FRMD4A: variants seen among roughly 807,000 people sequenced by gnomAD.
FRMD4A encodes the protein FERM domain-containing protein 4A.
FRMD4A carries 29 observed loss-of-function variants against 129.1 expected under a neutral mutation model. The observed-to-expected ratio is 0.22, with a 90% CI of 0.17 to 0.31. The LOEUF (loss-of-function observed/expected upper bound fraction) is 0.31, where lower values mean the gene tolerates loss of function less well. Among genes scored for constraint, FRMD4A ranks in the 10% least tolerant of loss-of-function variants. The probability of loss-of-function intolerance (pLI) is 1.00; values close to 1 mark genes in which losing one functional copy is unlikely to be tolerated. For missense variants in FRMD4A, 1,272 were observed against 1,375.8 expected (o/e 0.92, Z 1.19); for synonymous variants, 634 against 571.6 (o/e 1.11, Z -1.56).
chr10:13,689,603 A>C (rs963798480), intron 15 of FRMD4A, among the ~76,000 whole-genome samples: 1 of 142,628 alleles, frequency 7.0e-6, no homozygotes, highest in Admixed American at 7.2e-5. Flanking sequence ...CTAGGCTGTT[A>C]GTATAGTGAT....
chr10:13,771,767 T>C (rs1490290378), intron 6 of FRMD4A, among the ~76,000 whole-genome samples: 2 of 152,046 alleles, frequency 1.3e-5, no homozygotes, highest in African/African-American at 2.4e-5. Context: ...ATAATTGAAA[T>C]GTGATGAATG....
chr10:13,974,773 C>T (rs1254136433), intron 2 of FRMD4A, among the ~76,000 whole-genome samples: 7 of 152,070 alleles, frequency 4.6e-5, no homozygotes, highest in South Asian at 2.1e-4. Context: ...GTGATCCACC[C>T]GCCTCGCTCT....
intron 2 of FRMD4A, among the ~76,000 whole-genome samples, chr10:14,013,115 C>T (rs1218299980): frequency 6.6e-6 from 1 of 152,116 alleles, no homozygotes; most frequent in East Asian, 1.9e-4. Context: ...CCTAAGGGGC[C>T]TTTCTGATTT....
At chr10:13,855,691 T>A (rs890015456) in intron 3 of FRMD4A, among the ~76,000 whole-genome samples, 5 of 152,188 alleles carry the variant, frequency 3.3e-5, no homozygotes, top group Non-Finnish European at 7.3e-5. Context: ...AAAGTATAAA[T>A]GAACCTGAAG....
At chr10:13,900,522 T>C (rs1391442281) in intron 2 of FRMD4A, among the ~76,000 whole-genome samples, 1 of 152,148 alleles carries the variant, frequency 6.6e-6, no homozygotes, top group African/African-American at 2.4e-5. Flanking sequence ...ATAAAATTGG[T>C]TAACATTCTA....
At chr10:14,236,779 C>T (rs1358247441) in intron 2 of FRMD4A, among the ~76,000 whole-genome samples, 2 of 152,088 alleles carry the variant, frequency 1.3e-5, no homozygotes, top group Admixed American at 6.5e-5. Flanking sequence ...AATCCAACAA[C>T]GCGCAAACAT....
chr10:13,990,681 G>T (rs982002001), intron 2 of FRMD4A, among the ~76,000 whole-genome samples: 1 of 152,170 alleles, frequency 6.6e-6, no homozygotes, highest in Non-Finnish European at 1.5e-5. Flanking sequence ...GGGAGCCCCA[G>T]CAGGCTGGCG....
chr10:14,275,584 T>A (rs1437617352), intron 2 of FRMD4A, among the ~76,000 whole-genome samples: 2 of 152,258 alleles, frequency 1.3e-5, no homozygotes, highest in East Asian at 3.8e-4. Context: ...CACTTTCAGA[T>A]GGCATTTCTT....
intron 15 of FRMD4A, chr10:13,684,969 A>T: frequency 1.0e-6 from 1 of 984,056 alleles, no homozygotes; most frequent in Non-Finnish European, 1.2e-6. Context: ...AAATATGAGG[A>T]AAAGGTTAGA....
chr10:14,061,335 C>CCAG (rs1449275963), intron 2 of FRMD4A, among the ~76,000 whole-genome samples: 1 of 152,010 alleles, frequency 6.6e-6, no homozygotes, highest in Admixed American at 6.6e-5. Flanking sequence ...ACCTGCAATC[C>CCAG]CAGCTACTTG....
intron 2 of FRMD4A, among the ~76,000 whole-genome samples, chr10:13,908,353 G>A (rs747428923): frequency 1.3e-5 from 2 of 152,070 alleles, no homozygotes; most frequent in Admixed American, 6.6e-5. Context: ...GTCTCCTACA[G>A]TAGGTCTCTA....
chr10:14,288,013 A>T (rs1845735877), intron 2 of FRMD4A, among the ~76,000 whole-genome samples: 2 of 152,110 alleles, frequency 1.3e-5, no homozygotes, highest in African/African-American at 4.8e-5. Flanking sequence ...TTACAGAGGA[A>T]ATTGAAACTC....
chr10:14,281,151 C>G (rs927024563), intron 2 of FRMD4A, among the ~76,000 whole-genome samples: 2 of 152,168 alleles, frequency 1.3e-5, no homozygotes, highest in African/African-American at 4.8e-5. Flanking sequence ...CACCACCACA[C>G]CCAGCTAATT....
intron 5 of FRMD4A, among the ~76,000 whole-genome samples, chr10:13,794,580 C>A (rs2093073673): frequency 6.6e-6 from 1 of 151,974 alleles, no homozygotes; most frequent in Non-Finnish European, 1.5e-5. Context: ...AGGTGGGGCT[C>A]TGCAGGAAAC....
At chr10:14,055,714 T>C (rs1834494049) in intron 2 of FRMD4A, among the ~76,000 whole-genome samples, 1 of 152,202 alleles carries the variant, frequency 6.6e-6, no homozygotes, top group African/African-American at 2.4e-5. Flanking sequence ...GGGTCCATAG[T>C]AGGTGTATAT....
intron 2 of FRMD4A, among the ~76,000 whole-genome samples, chr10:14,235,243 G>C (rs1043247614): frequency 1.4e-5 from 2 of 144,550 alleles, no homozygotes; most frequent in South Asian, 2.2e-4. Flanking sequence ...TCCGCCTCCC[G>C]GGTTCACGCC....
At chr10:13,982,527 T>C (rs987354764) in intron 2 of FRMD4A, among the ~76,000 whole-genome samples, 7 of 149,968 alleles carry the variant, frequency 4.7e-5, no homozygotes, top group Non-Finnish European at 1.0e-4. Flanking sequence ...TGACCTACCT[T>C]GTTTGACTGT....
chr10:13,848,183 T>C (rs2094081533), intron 3 of FRMD4A, among the ~76,000 whole-genome samples: 1 of 152,048 alleles, frequency 6.6e-6, no homozygotes, highest in Non-Finnish European at 1.5e-5. Context: ...CTGCACAGAG[T>C]CTCCTATGGG....
chr10:13,884,158 A>ACACACACACACTCACACACACACT (rs1564970902), intron 2 of FRMD4A, among the ~76,000 whole-genome samples: 1 of 39,546 alleles, frequency 2.5e-5, no homozygotes, highest in African/African-American at 1.3e-4. Flanking sequence ...ACACACTCTC[A>ACACACACACACTCACACACACACT]CACACACACT....
Sources: allele counts gnomAD v4.1 joint callset (sites outside exome capture counted in the v4.1 genomes callset), GRCh38; gene constraint gnomAD v4.1.1; transcripts MANE v1.5; gene names NCBI Gene and HGNC (gene_info 2026-07-23, HGNC 2026-07-21).